WDR59: variants seen among roughly 807,000 people sequenced by gnomAD.
WDR59 encodes the protein GATOR2 complex protein WDR59.
WDR59 carries 100 observed loss-of-function variants against 131.2 expected under a neutral mutation model. The ratio of observed to expected loss-of-function variants is 0.76; its 90% confidence interval spans 0.65 to 0.90. The LOEUF is 0.90. Among genes scored for constraint, WDR59 ranks in the 40% least tolerant of loss-of-function variants. WDR59 has a pLI of 0.00. For missense variants in WDR59, 1,203 were observed against 1,262.2 expected (o/e 0.95, Z 0.71); for synonymous variants, 601 against 466.2 (o/e 1.29, Z -3.72).
intron 5 of WDR59, among the ~76,000 whole-genome samples, chr16:74,949,330 C>CAAAAA (rs550013099): frequency 1.3e-3 from 56 of 42,310 alleles, no homozygotes; most frequent in Non-Finnish European, 1.9e-3. Context: ...TACCTTGTCT[C>CAAAAA]AAAAAAAAAA....
In WDR59 at chr16:74,916,142, G is replaced by A; in HGVS notation, c.1084C>T (p.His362Tyr). 6.2e-7 allele frequency: 1 copy of A among 1,614,186 alleles called. No individual in the cohort carries two copies. The highest frequency in any genetic ancestry group is 1.1e-5 in the South Asian group (1 of 91,088). The change falls in exon 12 of 26, where the codon CAT becomes TAT. Residue 362 changes from histidine (H) to tyrosine (Y), a missense_variant. Physicochemically the swap from His to Tyr is moderately conservative, Grantham distance 83 (BLOSUM62 2). Transcript: ENST00000262144. ...EDTDHQHTAS[H>Y]GEEEALKEDP... ...GACAAATTACCTTCTTCCTCCCCAT[G>A]GCTTGCAGTGTGCTGGTGATCTGTA...
chr16:74,967,845 G>A (rs1314974880), intron 1 of WDR59, among the ~76,000 whole-genome samples: 7 of 131,438 alleles, frequency 5.3e-5, no homozygotes, highest in East Asian at 4.7e-4. Context: ...GCAATAAAGC[G>A]AGACTCGGTC....
Position 74,909,552 on chromosome 16 carries a change from C to T in WDR59, c.1591G>A (p.Asp531Asn), listed in dbSNP as rs199989051. The T allele has an allele frequency of 6.2e-6, 10 of 1,608,104 alleles. No individual in the cohort carries two copies. In the Admixed American group the frequency reaches 1.2e-4, roughly 19 times the overall value. The change falls in exon 16 of 26, where the codon GAC (aspartate) becomes AAC (asparagine). Residue 531 changes from aspartate to asparagine, a missense_variant. Physicochemically the swap from Asp to Asn is conservative, Grantham distance 23 (BLOSUM62 1). Transcript: ENST00000262144. ...GTCCTAGGAAAGGGAATGTTGGCGT[C>T]CTGGTACGACCCGTAAGCCGTGGTC... ...RVTTAYGSYQDANIPFPRTSG... is the reference protein window; with the variant it reads ...RVTTAYGSYQNANIPFPRTSG...
intron 18 of WDR59, chr16:74,899,694 G>C: frequency 7.8e-7 from 1 of 1,289,106 alleles, no homozygotes; most frequent in Non-Finnish European, 1.0e-6. Context: ...ACAGCGCACA[G>C]TACCGGGAAG....
At chr16:74,971,075 GGTCAGAACCAA>G (rs2033964339) in intron 1 of WDR59, among the ~76,000 whole-genome samples, 1 of 151,898 alleles carries the variant, frequency 6.6e-6, no homozygotes, top group African/African-American at 2.4e-5. Flanking sequence ...AAAGATGGTA[GGTCAGAACCAA>G]GTCAAAATCA....
chr16:74,984,683 C>T (rs1338053498), intron 1 of WDR59: 1 of 511,818 alleles, frequency 2.0e-6, no homozygotes, highest in East Asian at 3.2e-5. Flanking sequence ...AGCCTCCCCT[C>T]AGCACTCACG....
rs984319849 is a variant in WDR59 at position 74,915,952 on chromosome 16, T to A, written c.1142A>T (p.Lys381Ile). The A allele has an allele frequency of 6.2e-7, 1 of 1,614,212 alleles. No individual in the cohort carries two copies. The highest frequency in any genetic ancestry group is 1.3e-5 in the African/African-American group (1 of 75,068). Residue 381 changes from lysine to isoleucine, a missense_variant, in exon 13 of 26, where the codon AAA becomes ATA. Coordinates refer to ENST00000262144, the MANE Select transcript of WDR59 (RefSeq NM_030581.4). The stretch of plus-strand genomic sequence containing the variant: ...CTGAGGCAGCCCCAGTTGATCTGAT[T>A]TCCTCTCTTCCAGGAGATTTCTAGG... The part of the protein sequence containing the change: ...DPPRNLLEER[K>I]SDQLGLPQTL...
chr16:74,934,650 C>T (rs941844686), intron 8 of WDR59, among the ~76,000 whole-genome samples: 2 of 152,128 alleles, frequency 1.3e-5, no homozygotes, highest in African/African-American at 4.8e-5. Context: ...AGAAAAAAGT[C>T]CTCTGAAGAA....
At chr16:74,880,579 C>A (rs1964433840) in intron 25 of WDR59, among the ~76,000 whole-genome samples, 1 of 152,160 alleles carries the variant, frequency 6.6e-6, no homozygotes, top group African/African-American at 2.4e-5. Flanking sequence ...CCTAGGGAAT[C>A]CCAGCCTTGC....
intron 10 of WDR59, among the ~76,000 whole-genome samples, chr16:74,918,947 A>C (rs762159925): frequency 8.5e-5 from 13 of 152,198 alleles, no homozygotes; most frequent in Non-Finnish European, 1.8e-4. Context: ...GACAGCAACT[A>C]TTCTGAACCA....
At chr16:74,956,970 T>C (rs1377774551) in intron 2 of WDR59, among the ~76,000 whole-genome samples, 1 of 152,220 alleles carries the variant, frequency 6.6e-6, no homozygotes, top group Non-Finnish European at 1.5e-5. Context: ...TTGCATAGTT[T>C]GCATTTTGAC....
At chr16:74,896,687 A>G (rs1965314538) in intron 18 of WDR59, among the ~76,000 whole-genome samples, 1 of 152,184 alleles carries the variant, frequency 6.6e-6, no homozygotes, top group Admixed American at 6.5e-5. Context: ...ACCTAATAAA[A>G]GCATATTATT....
chr16:74,965,954 G>A lies in WDR59; in HGVS notation c.55-132C>T, dbSNP rs1317641395. ...TCGCAGGTATCATTAGTTCTCTACA[G>A]TGGATGCTTCTACCCACCCACTTCT... On this transcript the variant is annotated intron_variant, in intron 1 of 25. Transcript: ENST00000262144. 9 of 807,640 alleles carry A rather than the reference G, an allele frequency of 1.1e-5. No individual in the cohort carries two copies. The Admixed American group carries it at 2.3e-4, about 20-fold the overall frequency. 50.0% of individuals were successfully genotyped at this position (807,640 alleles called of 1,614,324 possible).
intron 18 of WDR59, among the ~76,000 whole-genome samples, chr16:74,895,554 C>T (rs1412896933): frequency 6.6e-6 from 1 of 152,198 alleles, no homozygotes; most frequent in African/African-American, 2.4e-5. Flanking sequence ...TGAGCCACCA[C>T]GCCCGGCCCC....
chr16:74,943,714 T>C (rs75071746), intron 6 of WDR59, among the ~76,000 whole-genome samples: 37 of 152,286 alleles, frequency 2.4e-4, no homozygotes, highest in African/African-American at 8.2e-4. Context: ...TCCCTCTGCC[T>C]GGTGTTTATT....
intron 10 of WDR59, among the ~76,000 whole-genome samples, chr16:74,920,921 G>A (rs1195494294): frequency 6.6e-6 from 1 of 152,144 alleles, no homozygotes. Context: ...ACTACTCTCA[G>A]GGAAGGGAGG....
At chr16:74,959,665 C>T (rs908967958) in intron 2 of WDR59, 40 of 363,818 alleles carry the variant, frequency 1.1e-4, no homozygotes, top group Non-Finnish European at 1.8e-4. Flanking sequence ...GCCTGTACTC[C>T]CAGCTACTGA....
intron 7 of WDR59, among the ~76,000 whole-genome samples, chr16:74,941,274 G>A (rs1179987664): frequency 2.7e-5 from 4 of 150,344 alleles, no homozygotes; most frequent in East Asian, 4.0e-4. Context: ...CCAAGAGGTC[G>A]AGGCTGCAGT....
chr16:74,875,385 C>G (rs1964166096), intron 25 of WDR59, among the ~76,000 whole-genome samples: 1 of 151,966 alleles, frequency 6.6e-6, no homozygotes, highest in African/African-American at 2.4e-5. Flanking sequence ...CCATCGCTGC[C>G]TCCAGACTGA....
Sources: allele counts gnomAD v4.1 joint callset (sites outside exome capture counted in the v4.1 genomes callset), GRCh38; gene constraint gnomAD v4.1.1; transcripts MANE v1.5; gene names NCBI Gene and HGNC (gene_info 2026-07-23, HGNC 2026-07-21).